The following THUMPD2 variants were observed in gnomAD, a reference collection of about 807,000 sequenced individuals.
The protein encoded by THUMPD2 is THUMP domain 2 tRNA and snRNA guanosine methyltransferase, also known as U6 snRNA (guanine-N(2))-methyltransferase THUMPD2.
THUMPD2 carries 56 observed loss-of-function variants against 49.4 expected under a neutral mutation model. The observed-to-expected ratio is 1.13, with a 90% confidence interval of 0.91 to 1.41. The LOEUF is 1.41. THUMPD2 is among the 40% of genes most tolerant of loss of function. The probability of loss-of-function intolerance (pLI) is 0.00; values close to 1 mark genes in which losing one functional copy is unlikely to be tolerated. For synonymous variants in THUMPD2, 237 were observed against 205.2 expected (o/e 1.15, Z -1.32); for missense variants, 709 against 594.5 (o/e 1.19, Z -2.00).
intron 9 of THUMPD2, among the ~76,000 whole-genome samples, chr2:39,739,571 G>A (rs1213952813): frequency 1.3e-5 from 2 of 152,212 alleles, no homozygotes; most frequent in Non-Finnish European, 2.9e-5. Context: ...TTCTCACAAT[G>A]AATGGTCAGA....
intron 9 of THUMPD2, among the ~76,000 whole-genome samples, chr2:39,737,630 C>T (rs536189433): frequency 1.2e-4 from 18 of 152,080 alleles, no homozygotes; most frequent in African/African-American, 3.6e-4. Context: ...GAGAGAGAGG[C>T]GAGTAAAGGG....
At chr2:39,764,174 T>C (rs1209706196) in intron 5 of THUMPD2, among the ~76,000 whole-genome samples, 1 of 152,226 alleles carries the variant, frequency 6.6e-6, no homozygotes, top group Non-Finnish European at 1.5e-5. Context: ...AATCAAGCAT[T>C]TATCACAGAT....
chr2:39,754,698 C>T (rs1364864685), intron 8 of THUMPD2, among the ~76,000 whole-genome samples: 1 of 152,180 alleles, frequency 6.6e-6, no homozygotes, highest in Non-Finnish European at 1.5e-5. Flanking sequence ...CCTCAATAGA[C>T]TTGATTCCTA....
Position 39,779,167 on chromosome 2 carries a change from C to T in THUMPD2, c.73G>A (p.Gly25Ser). 2 of 1,520,842 alleles carry T rather than the reference C, an allele frequency of 1.3e-6. No homozygotes were observed. The highest frequency in any genetic ancestry group is 8.8e-7 in the Non-Finnish European group (1 of 1,139,664). 94.2% of individuals were successfully genotyped at this position (1,520,842 alleles called of 1,614,324 possible). A position where few individuals can be genotyped will look rare whatever the true frequency, so the allele number is the denominator to read the frequency against. The change falls in exon 1 of 10, where the codon GGC (glycine) becomes AGC (serine). Residue 25 changes from glycine to serine, a missense_variant. Coordinates refer to ENST00000505747, the MANE Select transcript of THUMPD2 (RefSeq NM_025264.5). ...GARFFCTAGR[G>S]LEPFVMREVR... ...TCTCGCATTACGAACGGCTCCAGGC[C>T]GCGACCCGCAGTGCAGAAGAATCGG...
chr2:39,751,386 CT>C, intron 8 of THUMPD2, among the ~76,000 whole-genome samples: 2 of 152,364 alleles, frequency 1.3e-5, no homozygotes, highest in East Asian at 3.9e-4. Context: ...TAAACCTACA[CT>C]TAAGTGATGT....
intron 2 of THUMPD2, 123 bp from the exon 3 acceptor site, chr2:39,770,242 A>G (rs1678129881): frequency 3.1e-6 from 2 of 643,580 alleles, no homozygotes; most frequent in East Asian, 3.3e-5. Context: ...TGCTACACGA[A>G]TAACTTCACT....
chr2:39,771,232 T>C (rs1419002213), intron 2 of THUMPD2, among the ~76,000 whole-genome samples: 1 of 152,120 alleles, frequency 6.6e-6, no homozygotes, highest in African/African-American at 2.4e-5. Flanking sequence ...TATATATCTC[T>C]AGAGAAGGTA....
Position 39,737,005 on chromosome 2 carries a change from C to G in THUMPD2, c.1242G>C (p.Arg414Ser). The G allele has an allele frequency of 6.2e-7, 1 of 1,613,966 alleles. No homozygotes were observed. The highest frequency in any genetic ancestry group is 2.2e-5 in the East Asian group (1 of 44,868). ...IVLLLSEDHH[R>S]RLTDCKESNI... is the part of the protein sequence containing the mutation. ...TGCTCTCTTTACAATCTGTAAGGCGCCTGTGGTGATCTTCACTAAGCAACA... is the reference window on the plus strand; with the variant it reads ...TGCTCTCTTTACAATCTGTAAGGCGGCTGTGGTGATCTTCACTAAGCAACA... The change falls in exon 10 of 10, where the codon AGG (arginine) becomes AGC (serine). Residue 414 changes from arginine (R) to serine (S), a missense_variant. Transcript: ENST00000505747.
intron 1 of THUMPD2, among the ~76,000 whole-genome samples, chr2:39,771,999 A>G (rs72938132): frequency 0.028 from 4,305 of 152,356 alleles, 187 homozygotes; most frequent in African/African-American, 0.095. Context: ...ACATTAAAAC[A>G]TAAGATTTAT....
intron 9 of THUMPD2, among the ~76,000 whole-genome samples, chr2:39,741,605 T>A (rs1457689464): frequency 6.6e-6 from 1 of 152,212 alleles, no homozygotes; most frequent in African/African-American, 2.4e-5. Flanking sequence ...GACAATGCTC[T>A]GTACCCATAA....
At chr2:39,778,700 C>T (rs77184993) in intron 1 of THUMPD2, among the ~76,000 whole-genome samples, 1 of 152,184 alleles carries the variant, frequency 6.6e-6, no homozygotes, top group Non-Finnish European at 1.5e-5. Flanking sequence ...TCACAACAAT[C>T]CTATGTAGTC....
intron 5 of THUMPD2, among the ~76,000 whole-genome samples, chr2:39,763,126 T>C (rs1677042584): frequency 6.6e-6 from 1 of 152,030 alleles, no homozygotes; most frequent in Non-Finnish European, 1.5e-5. Flanking sequence ...ATGTACACGG[T>C]TCAAAAATAA....
chr2:39,752,125 T>C (rs1329185336), intron 8 of THUMPD2, among the ~76,000 whole-genome samples: 2 of 152,250 alleles, frequency 1.3e-5, no homozygotes, highest in Non-Finnish European at 2.9e-5. Flanking sequence ...ATAATAGGAA[T>C]GATTATTACT....
At chr2:39,776,840 C>T (rs1469267781) in intron 1 of THUMPD2, among the ~76,000 whole-genome samples, 1 of 152,198 alleles carries the variant, frequency 6.6e-6, no homozygotes, top group Admixed American at 6.5e-5. Context: ...AAAATGGTAG[C>T]ACCTGGGCTT....
At chr2:39,739,441 CCTAG>C (rs964651592) in intron 9 of THUMPD2, among the ~76,000 whole-genome samples, 1 of 152,174 alleles carries the variant, frequency 6.6e-6, no homozygotes, top group African/African-American at 2.4e-5. Context: ...TTCCTGACTA[CCTAG>C]CTAGGGTAGC....
intron 4 of THUMPD2, among the ~76,000 whole-genome samples, chr2:39,768,123 T>C (rs1448787788): frequency 6.6e-6 from 1 of 152,200 alleles, no homozygotes. Flanking sequence ...TTGTGTGTAT[T>C]ATAGAGACTA....
At chr2:39,745,052 TTTTC>T (rs1273706599) in intron 8 of THUMPD2, among the ~76,000 whole-genome samples, 1 of 152,142 alleles carries the variant, frequency 6.6e-6, no homozygotes, top group African/African-American at 2.4e-5. Flanking sequence ...TATCTTAATG[TTTTC>T]TTCTCAGAAG....
At chr2:39,767,083 CCT>C (rs1291114343) in intron 4 of THUMPD2, among the ~76,000 whole-genome samples, 3 of 152,110 alleles carry the variant, frequency 2.0e-5, no homozygotes, top group Non-Finnish European at 2.9e-5. Context: ...AGATTTGATT[CCT>C]CTGTCAATTT....
chr2:39,767,007 GTTA>G (rs1005147693), intron 4 of THUMPD2, among the ~76,000 whole-genome samples: 1 of 152,158 alleles, frequency 6.6e-6, no homozygotes, highest in African/African-American at 2.4e-5. Context: ...TATATCAAAT[GTTA>G]TTAAGAATAG....
Sources: allele counts gnomAD v4.1 joint callset (sites outside exome capture counted in the v4.1 genomes callset), GRCh38; gene constraint gnomAD v4.1.1; transcripts MANE v1.5; gene names NCBI Gene and HGNC (gene_info 2026-07-23, HGNC 2026-07-21).